The following RANBP2 variants were observed in gnomAD, a reference collection of about 807,000 sequenced individuals.
RANBP2 encodes RAN binding protein 2.
RANBP2 carries 57 observed loss-of-function variants against 303.6 expected under a neutral mutation model. The ratio of observed to expected loss-of-function variants is 0.19; its 90% confidence interval spans 0.15 to 0.23. RANBP2 has a LOEUF of 0.23. Among genes scored for constraint, RANBP2 ranks in the 10% least tolerant of loss-of-function variants. The probability of loss-of-function intolerance (pLI) is 1.00; values close to 1 mark genes in which losing one functional copy is unlikely to be tolerated. For synonymous variants in RANBP2, 1,167 were observed against 1,301.5 expected, an observed-to-expected ratio of 0.90 and a Z score of 2.23; for missense variants, 3,138 against 3,780.8, an observed-to-expected ratio of 0.83 and a Z score of 4.46.
chr2:108,742,860 C>T (rs557520890), intron 7 of RANBP2, among the ~76,000 whole-genome samples: 3 of 152,286 alleles, frequency 2.0e-5, no homozygotes, highest in East Asian at 3.9e-4. Context: ...ACGACCTCGG[C>T]TCACTGCAAG....
chr2:109,192,611 A>G, the RANBP2 span, among the ~76,000 whole-genome samples: 1 of 152,240 alleles, frequency 6.6e-6, no homozygotes, highest in East Asian at 1.9e-4. Flanking sequence ...TGAGATAAAG[A>G]GAGAAGCTGG....
At chr2:108,731,147 A>G (rs1319334683) in intron 3 of RANBP2, among the ~76,000 whole-genome samples, 175 bp from the exon 4 acceptor site, 2 of 152,162 alleles carry the variant, frequency 1.3e-5, no homozygotes, top group East Asian at 3.9e-4. Context: ...ATTCATTTCC[A>G]GAGAATTCCA....
At chr2:109,085,127 A>G in the RANBP2 span, among the ~76,000 whole-genome samples, 1 of 152,132 alleles carries the variant, frequency 6.6e-6, no homozygotes, top group Non-Finnish European at 1.5e-5. Context: ...GAAGCCGAGG[A>G]GGACCGGGTT....
the RANBP2 span, among the ~76,000 whole-genome samples, chr2:109,534,721 A>G: frequency 6.6e-6 from 1 of 152,008 alleles, no homozygotes; most frequent in African/African-American, 2.4e-5. Context: ...CGGAGGTTGC[A>G]GTGAGCTGAG....
chr2:108,979,053 C>A, the RANBP2 span, among the ~76,000 whole-genome samples: 3 of 152,122 alleles, frequency 2.0e-5, no homozygotes, highest in Admixed American at 6.6e-5. Context: ...CAGAGAGGTG[C>A]CAGCTTCAAA....
chr2:109,345,769 G>T, the RANBP2 span, among the ~76,000 whole-genome samples: 2 of 151,988 alleles, frequency 1.3e-5, no homozygotes, highest in African/African-American at 4.8e-5. Context: ...TGTCTTTTTT[G>T]TAAATTTAAC....
chr2:108,889,098 GTA>G, the RANBP2 span, among the ~76,000 whole-genome samples: 1 of 151,496 alleles, frequency 6.6e-6, no homozygotes, highest in Non-Finnish European at 1.5e-5. Context: ...CCATGTTTTT[GTA>G]TAGTTTCCAA....
At chr2:109,151,550 TA>T in the RANBP2 span, among the ~76,000 whole-genome samples, 1 of 152,274 alleles carries the variant, frequency 6.6e-6, no homozygotes, top group Admixed American at 6.5e-5. Flanking sequence ...TAACCCACTG[TA>T]TCCAAAATAT....
the RANBP2 span, among the ~76,000 whole-genome samples, chr2:109,644,348 C>T: frequency 6.6e-6 from 1 of 152,052 alleles, no homozygotes; most frequent in African/African-American, 2.4e-5. Context: ...GCTGACTCTG[C>T]ACGAATTTCT....
chr2:109,318,259 A>G, the RANBP2 span, among the ~76,000 whole-genome samples: 3 of 152,090 alleles, frequency 2.0e-5, no homozygotes, highest in Admixed American at 6.6e-5. Context: ...ATTTGAGCGC[A>G]GCCCCAGATG....
chr2:108,765,274 C>A lies in RANBP2; in HGVS notation c.4735C>A (p.Pro1579Thr). The A allele has an allele frequency of 6.2e-7, 1 of 1,613,842 alleles. No individual in the cohort carries two copies. The highest frequency in any genetic ancestry group is 8.5e-7 in the Non-Finnish European group (1 of 1,179,940). ...TAAACCAAGTCCATCTACTTCTGTTCCAGCTCCTGCCTCTTTTAAGTTTGG... is the reference window on the plus strand; with the variant it reads ...TAAACCAAGTCCATCTACTTCTGTTACAGCTCCTGCCTCTTTTAAGTTTGG... ...PDKPSPSTSV[P>T]APASFKFGTS... Residue 1579 changes from proline (P) to threonine (T), a missense_variant, in exon 20 of 29, where the codon CCA becomes ACA. Physicochemically the swap from Pro to Thr is conservative, Grantham distance 38. This residue lies in a region of RANBP2 where 388 missense variants were observed against 328.5 expected (regional missense o/e 1.18). Coordinates refer to ENST00000283195, the MANE Select transcript of RANBP2 (RefSeq NM_006267.5).
chr2:109,105,894 C>T, the RANBP2 span, among the ~76,000 whole-genome samples: 4 of 147,884 alleles, frequency 2.7e-5, no homozygotes, highest in African/African-American at 1.0e-4. Flanking sequence ...CGCTCTGTCG[C>T]CCAGGCTGGA....
chr2:109,466,794 T>C, the RANBP2 span, among the ~76,000 whole-genome samples: 1 of 152,024 alleles, frequency 6.6e-6, no homozygotes, highest in African/African-American at 2.4e-5. Context: ...TGCATGTGTG[T>C]ATCTATATGT....
chr2:109,370,738 A>AC, the RANBP2 span, among the ~76,000 whole-genome samples: 6 of 149,868 alleles, frequency 4.0e-5, no homozygotes, highest in Admixed American at 2.7e-4. Flanking sequence ...CCCAGTCTCA[A>AC]CCCCCCCGAA....
chr2:109,712,271 G>T, the RANBP2 span, among the ~76,000 whole-genome samples: 1 of 152,044 alleles, frequency 6.6e-6, no homozygotes, highest in Non-Finnish European at 1.5e-5. Context: ...GATCCTGCCG[G>T]CCCTGCCTGA....
At chr2:109,512,140 C>T in the RANBP2 span, among the ~76,000 whole-genome samples, 19 of 152,146 alleles carry the variant, frequency 1.2e-4, no homozygotes, top group Non-Finnish European at 2.2e-4. Context: ...GGGGGCTTGT[C>T]CGCCCTCCTC....
the RANBP2 span, among the ~76,000 whole-genome samples, chr2:109,062,090 G>T: frequency 2.2e-3 from 333 of 152,310 alleles, no homozygotes; most frequent in Non-Finnish European, 4.1e-3. Flanking sequence ...AGGCAGGCAG[G>T]CTTGTCCCTT....
At chr2:109,143,188 C>A in the RANBP2 span, among the ~76,000 whole-genome samples, 3 of 151,974 alleles carry the variant, frequency 2.0e-5, no homozygotes, top group Non-Finnish European at 4.4e-5. Context: ...TCAAGTGGTG[C>A]ATATAGAAAA....
chr2:108,772,894 T>C lies in RANBP2; in HGVS notation c.8140T>C (p.Trp2714Arg). ...TAATGAGAAAGAATGTATTATTGTTTGGGAAAAGAAACCAACAGTTGAAGA... is the reference window on the plus strand; with the variant it reads ...TAATGAGAAAGAATGTATTATTGTTCGGGAAAAGAAACCAACAGTTGAAGA... ...ADNEKECIIV[W>R]EKKPTVEEKA... is the part of the protein sequence containing the mutation. The change falls in exon 23 of 29, where the codon TGG becomes CGG. Residue 2714 changes from tryptophan (W) to arginine (R), a missense_variant. Coordinates refer to ENST00000283195, the MANE Select transcript of RANBP2 (RefSeq NM_006267.5). 1 of 1,613,994 alleles carries C rather than the reference T, an allele frequency of 6.2e-7. No individual in the cohort carries two copies. The highest frequency in any genetic ancestry group is 8.5e-7 in the Non-Finnish European group (1 of 1,179,954).
Sources: gnomAD v4.1 joint callset for allele counts (sites outside exome capture counted in the v4.1 genomes callset) on GRCh38, gnomAD v4.1.1 for gene constraint, gnomAD v4.1.1 regional missense constraint, MANE v1.5 for transcripts, NCBI Gene and HGNC (gene_info 2026-07-23, HGNC 2026-07-21) for gene names.